The following THPO variants were observed in gnomAD, a reference collection of about 807,000 sequenced individuals.
THPO encodes the protein MPL ligand.
Under a neutral mutation model 17.0 loss-of-function variants are expected in THPO, and 12 were observed. That is an observed-to-expected ratio of 0.71 (90% CI 0.45 to 1.14). THPO has a LOEUF of 1.14. Ranked by LOEUF, THPO falls within the 50% of genes most tolerant of loss-of-function variation. The probability of loss-of-function intolerance (pLI) is 0.00; values close to 1 mark genes in which losing one functional copy is unlikely to be tolerated. For synonymous variants in THPO, 188 were observed against 183.0 expected (o/e 1.03, Z -0.22); for missense variants, 365 against 427.5 (o/e 0.85, Z 1.29).
In THPO at chr3:184,373,194, G is replaced by T; in HGVS notation, c.397-16C>A. On this transcript the variant is annotated splice_polypyrimidine_tract_variant and intron_variant, in intron 5 of 5. Coordinates refer to ENST00000647395, the MANE Select transcript of THPO (RefSeq NM_000460.4). ...GTGGAGGAAGCTGAGGGCAGAGGAT[G>T]GTCCTGAGGCCAAACACCAGGGCCA... 1 of 1,608,810 alleles carries T rather than the reference G, an allele frequency of 6.2e-7. No homozygotes were observed. Among genetic ancestry groups the T allele is most frequent in the Non-Finnish European group, 8.5e-7 (1 of 1,179,968 alleles).
At chr3:184,378,386 G>A (rs887475825), upstream of THPO, 4 of 985,458 alleles carry the variant, frequency 4.1e-6, no homozygotes, top group African/African-American at 5.2e-5. Flanking sequence ...ACCTGGAGGG[G>A]GACAGGAGCA....
upstream of THPO, among the ~76,000 whole-genome samples, chr3:184,379,071 C>T (rs574640709): frequency 1.0e-3 from 156 of 152,298 alleles, 1 homozygote; most frequent in African/African-American, 3.5e-3. Context: ...CCCATCATCC[C>T]CCTGTCCCCC....
intron 4 of THPO, among the ~76,000 whole-genome samples, chr3:184,374,715 G>T (rs1028232557): frequency 1.3e-5 from 2 of 152,222 alleles, no homozygotes; most frequent in African/African-American, 4.8e-5. Context: ...AGGGCCAGAG[G>T]CTTAAATGAT....
rs897461635 is a variant in THPO, at chr3:184,378,153, G to A, written c.-224C>T. On this transcript the variant is annotated 5_prime_UTR_variant, in exon 1 of 6. Transcript: ENST00000647395. ...GCAGATGGGTAGGAAGACATGTGGCGGTGGGGCACAGCCCCTCCACAGCAG... is the reference window on the plus strand; with the variant it reads ...GCAGATGGGTAGGAAGACATGTGGCAGTGGGGCACAGCCCCTCCACAGCAG... The A allele has an allele frequency of 4.4e-5, 43 of 985,410 alleles. No homozygotes were observed. Among genetic ancestry groups the A allele is most frequent in the Middle Eastern group, 5.2e-4 (1 of 1,936 alleles). 61.0% of individuals were successfully genotyped at this position (985,410 alleles called of 1,614,324 possible). A position where few individuals can be genotyped will look rare whatever the true frequency, so the allele number is the denominator to read the frequency against.
At chr3:184,378,373 G>T (rs41268593), upstream of THPO, 9,058 of 985,578 alleles carry the variant, frequency 9.2e-3, 43 homozygotes, top group South Asian at 0.02. Context: ...TGGGCAACCT[G>T]GGACCTGGAG....
chr3:184,375,803 G>T, intron 3 of THPO, 85 bp downstream of exon 3: 1 of 1,593,708 alleles, frequency 6.3e-7, no homozygotes. Context: ...GGGTCAAGGA[G>T]TTAGAGGAAG....
chr3:184,376,126 A>G lies in THPO; in HGVS notation c.14-111T>C, dbSNP rs1164307817. The G allele has an allele frequency of 9.3e-6, 15 of 1,612,006 alleles. No homozygotes were observed. In the East Asian group the frequency reaches 2.2e-4, roughly 24 times the overall value. ...CTGAAACCCAGGGAATCCACCCCTC[A>G]GACCCCTTATTTTTGGGAGAATGGG... On this transcript the variant is annotated intron_variant, in intron 2 of 5. Coordinates refer to ENST00000647395, the MANE Select transcript of THPO (RefSeq NM_000460.4).
rs149021319 is a variant in THPO, at chr3:184,373,093, C to T, written c.482G>A (p.Arg161His). ...SFQHLLRGKV[R>H]FLMLVGGSTL... ...GGACCCTCCTACAAGCATCAGGAAA[C>T]GCACCTTTCCTCGGAGCAGGTGTTG... is the stretch of plus-strand genomic sequence containing the variant. Residue 161 changes from arginine to histidine, a missense_variant, in exon 6 of 6, where the codon CGT (arginine) becomes CAT (histidine). Coordinates refer to ENST00000647395, the MANE Select transcript of THPO (RefSeq NM_000460.4). The T allele has an allele frequency of 5.0e-5, 81 of 1,613,934 alleles. No individual in the cohort carries two copies. Among genetic ancestry groups the T allele is most frequent in the Non-Finnish European group, 5.7e-5 (67 of 1,180,010 alleles).
At position 184,373,580 on chromosome 3, in the gene THPO, C is replaced by T. The variant is rs1714144043; in HGVS notation, c.231G>A (p.Glu77=). ...CCAGAATGTCCTGTGCCTTGGTCTC[C>T]TCCTGAGAAAGAGATGGAAGAGAGA... ...FSLGEWKTQM[E]ETKAQDILGA... is the part of the protein sequence containing the mutation. The change falls in exon 5 of 6, where the codon GAG becomes GAA. Residue 77 remains glutamate, a splice_region_variant and synonymous_variant. Coordinates refer to ENST00000647395, the MANE Select transcript of THPO (RefSeq NM_000460.4). The T allele has an allele frequency of 6.2e-7, 1 of 1,613,724 alleles. No individual in the cohort carries two copies. Among genetic ancestry groups the T allele is most frequent in the Non-Finnish European group, 8.5e-7 (1 of 1,179,964 alleles).
chr3:184,376,429 A>G, intron 1 of THPO, 25 bp from the exon 2 acceptor site: 1 of 1,529,032 alleles, frequency 6.5e-7, no homozygotes, highest in Non-Finnish European at 8.7e-7. Context: ...AAGAGTGAAC[A>G]TTTAACCAAG....
rs149285772 is a variant in THPO at position 184,373,637 on chromosome 3, G to A, written c.229-55C>T. 275 of 1,596,062 alleles carry A rather than the reference G, an allele frequency of 1.7e-4. No homozygotes were observed. In the African/African-American group the frequency reaches 2.6e-3, roughly 15 times the overall value. On this transcript the variant is annotated intron_variant, in intron 4 of 5. Coordinates refer to ENST00000647395, the MANE Select transcript of THPO (RefSeq NM_000460.4). ...CTGCCTCAAAGGGCACACTAAAAGC[G>A]GGTGGGGAGCCTTAGGAGTAGCCAG...
At chr3:184,375,067 C>A (rs980982837) in intron 4 of THPO, among the ~76,000 whole-genome samples, 22 of 152,228 alleles carry the variant, frequency 1.4e-4, no homozygotes, top group Admixed American at 1.4e-3. Flanking sequence ...GGATTACAGG[C>A]GTGAGCCCCC....
chr3:184,376,742 G>C (rs1222969656), intron 1 of THPO, among the ~76,000 whole-genome samples: 2 of 152,116 alleles, frequency 1.3e-5, no homozygotes, highest in Non-Finnish European at 2.9e-5. Context: ...CTACTTGGGA[G>C]GCTGAGACAG....
At position 184,376,396 on chromosome 3, in the gene THPO, G is replaced by A; in HGVS notation, c.-137C>T. Reference sequence around the variant, plus strand: ...GGGGCAAAGGCGGGCCAAGGGTGAAGAATCTATCCTGAAAGTAGCAAGAAG... The same window carrying A: ...GGGGCAAAGGCGGGCCAAGGGTGAAAAATCTATCCTGAAAGTAGCAAGAAG... On this transcript the variant is annotated 5_prime_UTR_variant, in exon 2 of 6. Coordinates refer to ENST00000647395, the MANE Select transcript of THPO (RefSeq NM_000460.4). 6.3e-7 allele frequency: 1 copy of A among 1,594,154 alleles called. No individual in the cohort carries two copies. Among genetic ancestry groups the A allele is most frequent in the Non-Finnish European group, 8.5e-7 (1 of 1,172,946 alleles).
chr3:184,376,909 TG>T (rs1353247964), intron 1 of THPO, among the ~76,000 whole-genome samples: 1 of 152,094 alleles, frequency 6.6e-6, no homozygotes, highest in Admixed American at 6.5e-5. Flanking sequence ...GTCTCCTTTT[TG>T]TCAGGACTCC....
At chr3:184,377,246 G>A (rs1560287373) in intron 1 of THPO, among the ~76,000 whole-genome samples, 1 of 152,066 alleles carries the variant, frequency 6.6e-6, no homozygotes, top group African/African-American at 2.4e-5. Flanking sequence ...ATTAAAAGGC[G>A]GTATGGGAGA....
Position 184,373,540 on chromosome 3 carries a change from GA to G in THPO, c.270del (p.Leu91CysfsTer5). 6.2e-7 allele frequency: 1 copy of G among 1,614,178 alleles called. No homozygotes were observed. The highest frequency in any genetic ancestry group is 8.5e-7 in the Non-Finnish European group (1 of 1,180,034). The part of the protein sequence containing the change: ...KAQDILGAVT[L>X]LLEGVMAARG... Reference sequence around the variant, plus strand: ...CGTGCTGCCATCACTCCCTCCAGCAGAAGGGTCACTGCTCCCAGAATGTCCT... The same window carrying G: ...CGTGCTGCCATCACTCCCTCCAGCAGAGGGTCACTGCTCCCAGAATGTCCT... On this transcript the variant is annotated frameshift_variant, in exon 5 of 6. Transcript: ENST00000647395. LOFTEE classifies it high-confidence loss of function.
chr3:184,372,267 C>A lies in THPO; in HGVS notation c.*246G>T, dbSNP rs749134260. ...TAGAGAATCAGTGAGTTGCAAATTT[C>A]TGCAGAAAATAGACCAAAGAGCTAG... is the stretch of plus-strand genomic sequence containing the variant. On this transcript the variant is annotated 3_prime_UTR_variant, in exon 6 of 6. Coordinates refer to ENST00000647395, the MANE Select transcript of THPO (RefSeq NM_000460.4). The A allele has an allele frequency of 5.5e-5, 28 of 513,496 alleles. No individual in the cohort carries two copies. The highest frequency in any genetic ancestry group is 8.1e-5 in the Non-Finnish European group (23 of 285,250). 31.8% of individuals were successfully genotyped at this position (513,496 alleles called of 1,614,324 possible). A position where few individuals can be genotyped will look rare whatever the true frequency, so the allele number is the denominator to read the frequency against.
At chr3:184,375,084 C>T (rs1714270709) in intron 4 of THPO, among the ~76,000 whole-genome samples, 1 of 152,180 alleles carries the variant, frequency 6.6e-6, no homozygotes, top group South Asian at 2.1e-4. Flanking sequence ...CCCCGGCCCA[C>T]ATGTAGAAGT....
Sources: allele counts gnomAD v4.1 joint callset (sites outside exome capture counted in the v4.1 genomes callset), GRCh38; gene constraint gnomAD v4.1.1; transcripts MANE v1.5; gene names NCBI Gene and HGNC (gene_info 2026-07-23, HGNC 2026-07-21).